Variants in WDFY4 observed in about 807,000 individuals in gnomAD.
WDFY4 encodes the protein WDFY family member 4, also known as WD repeat- and FYVE domain-containing protein 4.
WDFY4 carries 169 observed loss-of-function variants against 351.9 expected under a neutral mutation model. That is an observed-to-expected ratio of 0.48 (90% CI 0.42 to 0.55). WDFY4 has a LOEUF of 0.55. Among genes scored for constraint, WDFY4 ranks in the 20% least tolerant of loss-of-function variants. WDFY4 has a pLI of 0.00. For synonymous variants in WDFY4, 1,622 were observed against 1,574.6 expected, an observed-to-expected ratio of 1.03 and a Z score of -0.71; for missense variants, 3,803 against 3,935.6, an observed-to-expected ratio of 0.97 and a Z score of 0.90.
At chr10:48,888,917 T>A (rs1228183845) in intron 43 of WDFY4, among the ~76,000 whole-genome samples, 1 of 152,208 alleles carries the variant, frequency 6.6e-6, no homozygotes, top group African/African-American at 2.4e-5. Flanking sequence ...GTTGTAATAG[T>A]TGGTTGGTTA....
chr10:48,735,849 C>T (rs1349101403), intron 10 of WDFY4, 31 bp from the exon 11 acceptor site: 1 of 1,540,572 alleles, frequency 6.5e-7, no homozygotes, highest in East Asian at 2.5e-5. Context: ...TCCCCCTTGC[C>T]CTAGCCCCAT....
At chr10:48,853,755 C>T (rs900739277) in intron 39 of WDFY4, among the ~76,000 whole-genome samples, 5 of 152,196 alleles carry the variant, frequency 3.3e-5, no homozygotes, top group African/African-American at 1.2e-4. Context: ...CATACCAGTC[C>T]CCTCTTCTGT....
intron 40 of WDFY4, among the ~76,000 whole-genome samples, chr10:48,868,500 G>A (rs182152795): frequency 1.3e-5 from 2 of 152,276 alleles, no homozygotes; most frequent in Non-Finnish European, 2.9e-5. Context: ...TGCACAGCTG[G>A]GTAGGGTGTC....
intron 43 of WDFY4, among the ~76,000 whole-genome samples, chr10:48,888,206 C>T (rs2070544790): frequency 6.6e-6 from 1 of 152,078 alleles, no homozygotes; most frequent in Admixed American, 6.6e-5. Flanking sequence ...ACTCAAGTCC[C>T]AAAGTAGACA....
At chr10:48,785,365 T>C (rs1390475509) in intron 19 of WDFY4, among the ~76,000 whole-genome samples, 2 of 152,176 alleles carry the variant, frequency 1.3e-5, no homozygotes, top group Non-Finnish European at 2.9e-5. Context: ...AATTCATTAG[T>C]TTTTCCTTAT....
At chr10:48,807,825 C>A in intron 27 of WDFY4, 34 bp from the exon 28 acceptor site, 1 of 1,542,634 alleles carries the variant, frequency 6.5e-7, no homozygotes, top group Non-Finnish European at 8.8e-7. Context: ...CTCTTTACAT[C>A]CATTTTCTCT....
chr10:48,769,747 A>G (rs1485918903), intron 13 of WDFY4, among the ~76,000 whole-genome samples: 1 of 152,230 alleles, frequency 6.6e-6, no homozygotes, highest in African/African-American at 2.4e-5. Context: ...GACCATATTA[A>G]TCTGGACCAA....
chr10:48,787,786 T>TTCCTCCTCC (rs771377133), intron 20 of WDFY4, among the ~76,000 whole-genome samples: 4 of 88,478 alleles, frequency 4.5e-5, no homozygotes, highest in African/African-American at 1.3e-4. Flanking sequence ...TTTCTTCCTC[T>TTCCTCCTCC]TCCTCCTCCT....
chr10:48,921,641 C>T (rs1357680353), intron 47 of WDFY4, among the ~76,000 whole-genome samples: 1 of 151,966 alleles, frequency 6.6e-6, no homozygotes. Flanking sequence ...AGACAAGCTA[C>T]AGACTGGAAG....
In WDFY4 at chr10:48,810,667, G is replaced by C; in HGVS notation, c.4976G>C (p.Arg1659Pro). The C allele has an allele frequency of 6.4e-7, 1 of 1,551,590 alleles. No homozygotes were observed. ...YFLASPSLRT[R>P]FRDGLCAGSW... ...CTGGCAAGCCCCTCCCTCCGCACAC[G>C]GTTTAGAGATGGCCTGTGTGCAGGA... Residue 1659 changes from arginine (R) to proline (P), a missense_variant, in exon 29 of 62, where the codon CGG becomes CCG. Physicochemically the swap from Arg to Pro is moderately radical, Grantham distance 103. Coordinates refer to ENST00000325239, the MANE Select transcript of WDFY4 (RefSeq NM_001394531.1).
intron 60 of WDFY4, chr10:48,980,069 A>C (rs1435046248): frequency 6.6e-6 from 1 of 152,164 alleles, no homozygotes; most frequent in Non-Finnish European, 1.5e-5. Flanking sequence ...CCAGATCCAC[A>C]ACCTTCCTCT....
chr10:48,779,897 G>A, intron 18 of WDFY4, 44 bp from the exon 19 acceptor site: 1 of 1,548,778 alleles, frequency 6.5e-7, no homozygotes, highest in Non-Finnish European at 8.7e-7. Flanking sequence ...GGTTCCTGCA[G>A]TGTAGCACCA....
chr10:48,735,249 C>T (rs1369001929), intron 10 of WDFY4, among the ~76,000 whole-genome samples: 1 of 152,158 alleles, frequency 6.6e-6, no homozygotes, highest in Non-Finnish European at 1.5e-5. Flanking sequence ...CAATATCAAT[C>T]CTGGGGAAAA....
intron 29 of WDFY4, 48 bp downstream of exon 29, chr10:48,810,783 G>A (rs1348164317): frequency 2.1e-6 from 3 of 1,456,778 alleles, no homozygotes; most frequent in African/African-American, 2.9e-5. Context: ...CTAGTCCTGG[G>A]ATGTGAATGA....
intron 43 of WDFY4, chr10:48,884,106 A>C (rs1056070397): frequency 1.3e-5 from 2 of 152,198 alleles, no homozygotes; most frequent in African/African-American, 4.8e-5. Context: ...CTTTGATTAC[A>C]TGAAAAATTA....
intron 45 of WDFY4, among the ~76,000 whole-genome samples, chr10:48,899,032 A>G (rs1349908743): frequency 6.6e-6 from 1 of 150,930 alleles, no homozygotes; most frequent in African/African-American, 2.5e-5. Context: ...TGTCTACCTC[A>G]CATGTTATAT....
At chr10:48,883,919 C>T (rs1219598983) in intron 43 of WDFY4, 1 of 152,162 alleles carries the variant, frequency 6.6e-6, no homozygotes, top group African/African-American at 2.4e-5. Flanking sequence ...TAATGATTCC[C>T]AGGACTACAA....
At chr10:48,862,263 T>C (rs932077854) in intron 39 of WDFY4, among the ~76,000 whole-genome samples, 1 of 152,238 alleles carries the variant, frequency 6.6e-6, no homozygotes, top group African/African-American at 2.4e-5. Context: ...TTTCCCTAAA[T>C]ATTTTTTATT....
At chr10:48,855,895 C>CT (rs1242294973) in intron 39 of WDFY4, among the ~76,000 whole-genome samples, 2 of 152,014 alleles carry the variant, frequency 1.3e-5, no homozygotes, top group African/African-American at 4.8e-5. Flanking sequence ...TTGTTAATCT[C>CT]TTTCTGTGCC....
Sources: gnomAD v4.1 joint callset for allele counts (sites outside exome capture counted in the v4.1 genomes callset) on GRCh38, gnomAD v4.1.1 for gene constraint, MANE v1.5 for transcripts, NCBI Gene and HGNC (gene_info 2026-07-23, HGNC 2026-07-21) for gene names.